Variants in CALN1 observed in about 807,000 individuals in gnomAD.
The protein encoded by CALN1 is calneuron 1.
In CALN1, 17 loss-of-function variants were observed where a neutral mutation model predicts 30.6. That is an observed-to-expected ratio of 0.56 (90% CI 0.38 to 0.83). CALN1 has a LOEUF of 0.83. Among genes scored for constraint, CALN1 ranks in the 40% least tolerant of loss-of-function variants. CALN1 has a pLI of 0.00. For missense variants in CALN1, 291 were observed against 354.9 expected (o/e 0.82, Z 1.45); for synonymous variants, 156 against 131.4 (o/e 1.19, Z -1.28).
At chr7:72,338,441 GT>G (rs1802201200) in intron 2 of CALN1, among the ~76,000 whole-genome samples, 1 of 150,062 alleles carries the variant, frequency 6.7e-6, no homozygotes, top group Non-Finnish European at 1.5e-5. Context: ...TGCCAGGGAA[GT>G]TTGGGCGTTT....
chr7:72,100,190 GCT>G (rs1806552547), intron 4 of CALN1, among the ~76,000 whole-genome samples: 1 of 151,398 alleles, frequency 6.6e-6, no homozygotes, highest in Non-Finnish European at 1.5e-5. Context: ...TAAGGGTCTA[GCT>G]CTGTTACCCG....
intron 5 of CALN1, among the ~76,000 whole-genome samples, chr7:71,999,294 T>C (rs576330265): frequency 6.6e-6 from 1 of 152,246 alleles, no homozygotes; most frequent in African/African-American, 2.4e-5. Context: ...CAATCTTAAA[T>C]ATGGCCACAT....
intron 4 of CALN1, among the ~76,000 whole-genome samples, chr7:72,065,088 A>ATTAATATATGTAAAATATATTTATG (rs1172873526): frequency 1.3e-5 from 2 of 148,228 alleles, no homozygotes; most frequent in African/African-American, 2.4e-5. Flanking sequence ...ATATGTTAAT[A>ATTAATATATGTAAAATATATTTATG]TTAATATATG....
intron 5 of CALN1, among the ~76,000 whole-genome samples, chr7:71,930,906 T>G (rs903067998): frequency 1.3e-5 from 2 of 152,228 alleles, no homozygotes; most frequent in Non-Finnish European, 2.9e-5. Flanking sequence ...CTGACTTCTT[T>G]GTCTAATTTA....
At chr7:72,291,646 C>A (rs1245587832) in intron 2 of CALN1, among the ~76,000 whole-genome samples, 1 of 152,140 alleles carries the variant, frequency 6.6e-6, no homozygotes, top group Non-Finnish European at 1.5e-5. Context: ...CTTTGCTGGG[C>A]CAGTGTGGAG....
chr7:72,403,238 G>T lies in CALN1; in HGVS notation c.119+13C>A. 2 of 1,544,592 alleles carry T rather than the reference G, an allele frequency of 1.3e-6. No homozygotes were observed. Among genetic ancestry groups the T allele is most frequent in the Non-Finnish European group, 8.7e-7 (1 of 1,144,550 alleles). On this transcript the variant is annotated intron_variant, in intron 2 of 6. Transcript: ENST00000395275. ...ACAATCTAGGTCCTTGGGTTTGGGG[G>T]AAGAAGACTTGCCAGGTGGGGAAGT... is the stretch of plus-strand genomic sequence containing the variant.
chr7:71,801,416 GTATGTATGTATGTATCTATC>G (rs1461736783), intron 6 of CALN1, among the ~76,000 whole-genome samples: 47 of 108,130 alleles, frequency 4.3e-4, no homozygotes, highest in East Asian at 7.5e-4. Flanking sequence ...ATGTATGTAT[GTATGTATGTATGTATCTATC>G]TATCTATCTA....
At chr7:72,215,431 C>T (rs1439976823) in intron 3 of CALN1, among the ~76,000 whole-genome samples, 7 of 151,686 alleles carry the variant, frequency 4.6e-5, no homozygotes, top group African/African-American at 1.7e-4. Context: ...CCGTCTCTAC[C>T]AAAAATACAA....
At chr7:72,396,258 G>GAAAAAAAAAAAAAAAAA (rs1554399594) in intron 2 of CALN1, among the ~76,000 whole-genome samples, 1 of 109,702 alleles carries the variant, frequency 9.1e-6, no homozygotes, top group African/African-American at 3.7e-5. Context: ...AAAAAAAAAA[G>GAAAAAAAAAAAAAAAAA]AAAGAAAAAG....
At chr7:72,250,365 T>C (rs958392251) in intron 3 of CALN1, among the ~76,000 whole-genome samples, 2 of 152,198 alleles carry the variant, frequency 1.3e-5, no homozygotes, top group Non-Finnish European at 2.9e-5. Flanking sequence ...CATTCTCATC[T>C]GGAAATCAGA....
At chr7:72,399,229 C>T (rs1197845625) in intron 2 of CALN1, among the ~76,000 whole-genome samples, 1 of 151,090 alleles carries the variant, frequency 6.6e-6, no homozygotes, top group Non-Finnish European at 1.5e-5. Context: ...GGGTGGTGTC[C>T]CTACCTCTAC....
intron 5 of CALN1, among the ~76,000 whole-genome samples, chr7:71,886,564 G>C (rs1003539183): frequency 8.5e-5 from 13 of 152,150 alleles, no homozygotes; most frequent in African/African-American, 2.7e-4. Context: ...TCTGAGGTCA[G>C]GAGTTCGAGA....
chr7:71,880,499 C>T (rs1792500622), intron 5 of CALN1, among the ~76,000 whole-genome samples: 2 of 151,966 alleles, frequency 1.3e-5, no homozygotes, highest in Admixed American at 6.6e-5. Context: ...TTTCTTTCCC[C>T]CTTCTCTTTT....
intron 3 of CALN1, among the ~76,000 whole-genome samples, chr7:72,166,006 G>A (rs1418532922): frequency 2.6e-5 from 4 of 152,122 alleles, no homozygotes; most frequent in Admixed American, 6.6e-5. Flanking sequence ...GCAATTTTCC[G>A]AACCTCCTTC....
At chr7:71,866,010 TTTC>T (rs1280283917) in intron 5 of CALN1, among the ~76,000 whole-genome samples, 2 of 152,060 alleles carry the variant, frequency 1.3e-5, no homozygotes, top group African/African-American at 2.4e-5. Context: ...GCACATTTTT[TTTC>T]TTTTTTTTTT....
At chr7:71,899,259 G>A (rs1343139497) in intron 5 of CALN1, among the ~76,000 whole-genome samples, 2 of 150,812 alleles carry the variant, frequency 1.3e-5, no homozygotes, top group East Asian at 2.0e-4. Flanking sequence ...TTCTCCTGCC[G>A]CAGCCTCCCC....
At chr7:72,443,854 T>C (rs1232330659) in intron 1 of CALN1, among the ~76,000 whole-genome samples, 1 of 149,564 alleles carries the variant, frequency 6.7e-6, no homozygotes, top group Non-Finnish European at 1.5e-5. Context: ...AACTTTTTTA[T>C]TTTTTTGAGA....
In CALN1 at chr7:71,816,670, C is replaced by T. The variant is rs1460368085; in HGVS notation, c.502-6178G>A. Among the ~76,000 whole-genome samples, 3 of 152,190 alleles carry T rather than the reference C, an allele frequency of 2.0e-5. No homozygotes were observed. The East Asian group carries it at 5.8e-4, about 29-fold the overall frequency. Reference sequence around the variant, plus strand: ...AGACTCCAAAATCTATAGTTTTGGGCCAGGTGTGGTGGCTTATGCCTGTAA... The same window carrying T: ...AGACTCCAAAATCTATAGTTTTGGGTCAGGTGTGGTGGCTTATGCCTGTAA... On this transcript the variant is annotated intron_variant, in intron 5 of 6. Transcript: ENST00000395275.
intron 3 of CALN1, among the ~76,000 whole-genome samples, chr7:72,220,310 C>A (rs372910245): frequency 3.3e-5 from 5 of 150,668 alleles, no homozygotes; most frequent in Admixed American, 6.7e-5. Flanking sequence ...TTTGTCCTTG[C>A]GATAGTTTGC....
Sources: allele counts gnomAD v4.1 joint callset (sites outside exome capture counted in the v4.1 genomes callset), GRCh38; gene constraint gnomAD v4.1.1; transcripts MANE v1.5; gene names NCBI Gene and HGNC (gene_info 2026-07-23, HGNC 2026-07-21).